The following GAPVD1 variants were observed in gnomAD, a reference collection of about 807,000 sequenced individuals.
The protein encoded by GAPVD1 is GTPase-activating protein and VPS9 domain-containing protein 1.
In GAPVD1, 35 loss-of-function variants were observed where a neutral mutation model predicts 155.5. The ratio of observed to expected loss-of-function variants is 0.23; its 90% CI spans 0.17 to 0.30. The LOEUF (loss-of-function observed/expected upper bound fraction) is 0.30. GAPVD1 is among the 10% of genes least tolerant of loss of function. The pLI, the probability that GAPVD1 is intolerant of heterozygous loss-of-function variation, is 1.00. For synonymous variants in GAPVD1, 636 were observed against 619.7 expected (o/e 1.03, Z -0.39); for missense variants, 1,429 against 1,775.7 (o/e 0.80, Z 3.51).
intron 13 of GAPVD1, among the ~76,000 whole-genome samples, chr9:125,331,401 G>A (rs1428405349): frequency 6.6e-6 from 1 of 151,936 alleles, no homozygotes; most frequent in Non-Finnish European, 1.5e-5. Context: ...GGATTTCACC[G>A]TGTTGGGCAT....
chr9:125,280,995 A>G (rs1310966264), intron 2 of GAPVD1, among the ~76,000 whole-genome samples: 1 of 152,222 alleles, frequency 6.6e-6, no homozygotes, highest in African/African-American at 2.4e-5. Context: ...TCGATTGATC[A>G]GAAATTAGTG....
chr9:125,285,223 C>T (rs540302079), intron 2 of GAPVD1, among the ~76,000 whole-genome samples: 28 of 152,214 alleles, frequency 1.8e-4, no homozygotes, highest in Middle Eastern at 3.4e-3. Context: ...TCCAATACAA[C>T]TTTTATTTAT....
At position 125,323,889 on chromosome 9, in the gene GAPVD1, A is replaced by C. The variant is rs1351558850; in HGVS notation, c.1824A>C (p.Gly608=). ...GAGCAGGACCTTCTGGCAGTAATGGAGTTGAAGCTCTACAGCTGTTAGAAC... is the reference window on the plus strand; with the variant it reads ...GAGCAGGACCTTCTGGCAGTAATGGCGTTGAAGCTCTACAGCTGTTAGAAC... The part of the protein sequence containing the change: ...ELGAGPSGSN[G]VEALQLLEHE... Residue 608 remains glycine (G), a synonymous_variant, in exon 11 of 28, where the codon GGA becomes GGC. Coordinates refer to ENST00000297933, the MANE Select transcript of GAPVD1 (RefSeq NM_001282680.3). The C allele has an allele frequency of 7.4e-6, 12 of 1,613,726 alleles. No individual in the cohort carries two copies. Among genetic ancestry groups the C allele is most frequent in the Non-Finnish European group, 6.8e-6 (8 of 1,179,774 alleles).
At chr9:125,347,601 C>G (rs1187158148) in intron 20 of GAPVD1, among the ~76,000 whole-genome samples, 1 of 151,968 alleles carries the variant, frequency 6.6e-6, no homozygotes. Context: ...GTGGCAGATG[C>G]CTGTAATCCT....
At chr9:125,263,224 C>T (rs899098102) in intron 1 of GAPVD1, among the ~76,000 whole-genome samples, 9 of 152,150 alleles carry the variant, frequency 5.9e-5, no homozygotes, top group Admixed American at 1.3e-4. Flanking sequence ...CCGAGGCGGG[C>T]GGATCATTGA....
intron 17 of GAPVD1, among the ~76,000 whole-genome samples, chr9:125,337,943 T>C (rs907155410): frequency 1.3e-5 from 2 of 152,160 alleles, no homozygotes; most frequent in African/African-American, 4.8e-5. Flanking sequence ...TGGTGCAATC[T>C]TGGCTTACTG....
At chr9:125,280,575 CTT>C (rs1197408782) in intron 2 of GAPVD1, among the ~76,000 whole-genome samples, 21 of 137,624 alleles carry the variant, frequency 1.5e-4, no homozygotes, top group Admixed American at 2.2e-4. Flanking sequence ...GTTACTACTA[CTT>C]TTTTTTTTTT....
At chr9:125,349,668 G>T in intron 21 of GAPVD1, 149 bp downstream of exon 21, 1 of 683,816 alleles carries the variant, frequency 1.5e-6, no homozygotes, top group South Asian at 2.0e-5. Flanking sequence ...CTTTGTTTCA[G>T]TTGTAGATGT....
intron 9 of GAPVD1, among the ~76,000 whole-genome samples, chr9:125,313,355 G>A (rs1842932531): frequency 1.3e-5 from 2 of 148,294 alleles, no homozygotes; most frequent in Non-Finnish European, 3.0e-5. Flanking sequence ...CTAGGCTGGA[G>A]TGCAGTGGCA....
At position 125,341,661 on chromosome 9, in the gene GAPVD1, A is replaced by G. The variant is rs192252258; in HGVS notation, c.2965+397A>G. On this transcript the variant is annotated intron_variant, in intron 18 of 27. Transcript: ENST00000297933. ...GAATAAGTTGAAGCTTTTTATGTCTATGTTCATTGAGAATGTTTATACTGT... is the reference window on the plus strand; with the variant it reads ...GAATAAGTTGAAGCTTTTTATGTCTGTGTTCATTGAGAATGTTTATACTGT... 379 of 164,382 alleles carry G rather than the reference A, an allele frequency of 2.3e-3. 3 individuals are homozygous for G. The highest frequency in any genetic ancestry group is 3.4e-3 in the Non-Finnish European group (261 of 75,762). The allele number at this position is 164,382 out of a possible 1,614,324, so 10.2% of individuals were successfully genotyped here.
At chr9:125,288,764 A>C (rs1033200509) in intron 2 of GAPVD1, among the ~76,000 whole-genome samples, 3 of 152,216 alleles carry the variant, frequency 2.0e-5, no homozygotes, top group African/African-American at 7.2e-5. Context: ...AAGGGAACCA[A>C]TTAGGCAAAA....
chr9:125,269,682 G>T (rs1465563910), intron 2 of GAPVD1, among the ~76,000 whole-genome samples: 1 of 144,370 alleles, frequency 6.9e-6, no homozygotes, highest in Non-Finnish European at 1.5e-5. Flanking sequence ...GCTGTGCTGG[G>T]ATTACAGGCA....
chr9:125,359,263 C>T (rs1278514115), intron 25 of GAPVD1, among the ~76,000 whole-genome samples, 157 bp from the exon 26 acceptor site: 2 of 152,148 alleles, frequency 1.3e-5, no homozygotes, highest in Non-Finnish European at 2.9e-5. Context: ...AGAAAGAATA[C>T]TTATCTAAGA....
At chr9:125,287,507 C>G (rs1564294716) in intron 2 of GAPVD1, among the ~76,000 whole-genome samples, 1 of 151,670 alleles carries the variant, frequency 6.6e-6, no homozygotes, top group Non-Finnish European at 1.5e-5. Flanking sequence ...GACCTTGTCT[C>G]AAAAATAAAA....
At chr9:125,313,310 T>C (rs1842923254) in intron 9 of GAPVD1, among the ~76,000 whole-genome samples, 1 of 149,830 alleles carries the variant, frequency 6.7e-6, no homozygotes, top group African/African-American at 2.4e-5. Flanking sequence ...TCTTTTTCTT[T>C]TTTTTTTTTT....
chr9:125,266,958 C>T (rs1400202486), intron 1 of GAPVD1, among the ~76,000 whole-genome samples: 4 of 151,786 alleles, frequency 2.6e-5, no homozygotes, highest in African/African-American at 9.7e-5. Context: ...GATGGGGTTT[C>T]ACCATGTTGG....
chr9:125,281,143 T>C (rs1248903567), intron 2 of GAPVD1, among the ~76,000 whole-genome samples: 9 of 152,192 alleles, frequency 5.9e-5, no homozygotes, highest in Non-Finnish European at 1.3e-4. Flanking sequence ...GGTTCTGGAA[T>C]GTCATATGGG....
chr9:125,347,799 A>G (rs544553545), intron 20 of GAPVD1, among the ~76,000 whole-genome samples: 9 of 152,082 alleles, frequency 5.9e-5, no homozygotes, highest in Admixed American at 2.6e-4. Context: ...TATCTCCTGG[A>G]AGAATCTCCC....
In GAPVD1 at chr9:125,349,357, G is replaced by A. The variant is rs753039067; in HGVS notation, c.3170-33G>A. On this transcript the variant is annotated intron_variant, in intron 20 of 27. Coordinates refer to ENST00000297933, the MANE Select transcript of GAPVD1 (RefSeq NM_001282680.3). ...TGCCATAATATTCCAAATGAACCTG[G>A]GTATCCGTTTCTTGGGGGTGGGTTT... 6.3e-6 allele frequency: 10 copies of A among 1,595,490 alleles called. No individual in the cohort carries two copies. In the South Asian group the frequency reaches 1.0e-4, roughly 16 times the overall value.
Sources: allele counts gnomAD v4.1 joint callset (sites outside exome capture counted in the v4.1 genomes callset), GRCh38; gene constraint gnomAD v4.1.1; transcripts MANE v1.5; gene names NCBI Gene and HGNC (gene_info 2026-07-23, HGNC 2026-07-21).